Variants in ABCA8 observed in about 807,000 individuals in gnomAD.
ABCA8 encodes the protein ATP binding cassette subfamily A member 8.
Under a neutral mutation model 192.3 loss-of-function variants are expected in ABCA8, and 177 were observed. The observed-to-expected ratio is 0.92, with a 90% CI of 0.81 to 1.04. The LOEUF is 1.04. Among genes scored for constraint, ABCA8 ranks in the 50% least tolerant of loss-of-function variants. The probability of loss-of-function intolerance (pLI) is 0.00; values close to 1 mark genes in which losing one functional copy is unlikely to be tolerated. For missense variants in ABCA8, 1,915 were observed against 1,904.8 expected (o/e 1.01, Z -0.10); for synonymous variants, 642 against 690.2 (o/e 0.93, Z 1.09).
chr17:68,953,977 G>C (rs1598307044), intron 1 of ABCA8, among the ~76,000 whole-genome samples: 1 of 151,950 alleles, frequency 6.6e-6, no homozygotes, highest in African/African-American at 2.4e-5. Context: ...AAAAGTTTCT[G>C]GGTTCTTAAA....
intron 1 of ABCA8, among the ~76,000 whole-genome samples, chr17:68,950,374 G>A (rs556642774): frequency 9.2e-5 from 14 of 152,180 alleles, no homozygotes; most frequent in African/African-American, 2.6e-4. Flanking sequence ...AAAAGAGCCC[G>A]CGTAGCCAAA....
At chr17:68,937,838 A>G (rs1488983388) in intron 4 of ABCA8, among the ~76,000 whole-genome samples, 1 of 149,936 alleles carries the variant, frequency 6.7e-6, no homozygotes, top group Non-Finnish European at 1.5e-5. Context: ...TGTAAAATAA[A>G]CTTAATAACC....
intron 32 of ABCA8, chr17:68,878,162 C>G (rs556352379): frequency 6.5e-6 from 1 of 152,752 alleles, no homozygotes; most frequent in Non-Finnish European, 1.5e-5. Context: ...AATGAACATG[C>G]AGAATAAAGA....
At chr17:68,916,502 A>G (rs2067368417) in intron 17 of ABCA8, among the ~76,000 whole-genome samples, 1 of 152,186 alleles carries the variant, frequency 6.6e-6, no homozygotes, top group Non-Finnish European at 1.5e-5. Flanking sequence ...CCATAAATCT[A>G]TACACCTACT....
At position 68,887,322 on chromosome 17, in the gene ABCA8, A is replaced by G. The variant is rs1458722241; in HGVS notation, c.3315+14T>C. ...ATTGTGAATATTGTCACTTACTTGG[A>G]TATTGTCACTTACTTGAATAATATG... is the stretch of plus-strand genomic sequence containing the variant. On this transcript the variant is annotated intron_variant, in intron 25 of 39. Coordinates refer to ENST00000586539, the MANE Select transcript of ABCA8 (RefSeq NM_001288985.2). The G allele has an allele frequency of 1.3e-6, 2 of 1,581,012 alleles. No individual in the cohort carries two copies. Among genetic ancestry groups the G allele is most frequent in the East Asian group, 4.5e-5 (2 of 44,534 alleles).
At chr17:68,939,485 T>G (rs2068165095) in intron 4 of ABCA8, among the ~76,000 whole-genome samples, 1 of 152,146 alleles carries the variant, frequency 6.6e-6, no homozygotes, top group African/African-American at 2.4e-5. Flanking sequence ...AGTCACCTAT[T>G]TGTTCCTGTG....
intron 17 of ABCA8, among the ~76,000 whole-genome samples, chr17:68,910,019 A>C (rs1351946129): frequency 1.3e-5 from 2 of 152,194 alleles, no homozygotes; most frequent in East Asian, 3.8e-4. Flanking sequence ...TGTAAAATAA[A>C]AGTAACAACA....
At chr17:68,946,187 T>C (rs11077819) in intron 2 of ABCA8, among the ~76,000 whole-genome samples, 76,968 of 151,512 alleles carry the variant, frequency 0.51, 20,029 homozygotes, top group Middle Eastern at 0.59. Flanking sequence ...CCTGCCTCAG[T>C]CTCCCAAGTA....
In ABCA8 at chr17:68,934,607, T is replaced by C. The variant is rs190629833; in HGVS notation, c.467-1336A>G. Among the ~76,000 whole-genome samples the C allele has an allele frequency of 3.8e-3, 581 of 152,338 alleles. 3 individuals are homozygous for C. Among genetic ancestry groups the C allele is most frequent in the South Asian group, 0.016 (77 of 4,830 alleles). On this transcript the variant is annotated intron_variant, in intron 5 of 39. Transcript: ENST00000586539. ...GCTATCTTATTATGACTACAAAAAGTAATTATTCTATGTCCTCTGGAAGAA... is the reference window on the plus strand; with the variant it reads ...GCTATCTTATTATGACTACAAAAAGCAATTATTCTATGTCCTCTGGAAGAA...
chr17:68,923,203 A>ATTT (rs200231831), intron 11 of ABCA8, among the ~76,000 whole-genome samples: 5 of 111,032 alleles, frequency 4.5e-5, no homozygotes, highest in Non-Finnish European at 9.0e-5. Context: ...TATTATTATT[A>ATTT]TTATTTTTTT....
Position 68,875,654 on chromosome 17 carries a change from C to G in ABCA8, c.4450G>C (p.Val1484Leu). ...TTHYMAEAEA[V>L]CDRVAIMVSG... Reference sequence around the variant, plus strand: ...ACCATGATGGCCACTCGGTCACACACGGCCTCAGCCTCTGCCATGTAGTGG... The same window carrying G: ...ACCATGATGGCCACTCGGTCACACAGGGCCTCAGCCTCTGCCATGTAGTGG... The change falls in exon 36 of 40, where the codon GTG becomes CTG. Residue 1484 changes from valine (V) to leucine (L), a missense_variant. By Grantham distance (32) the Val-to-Leu change is conservative. Transcript: ENST00000586539. 1 of 1,614,192 alleles carries G rather than the reference C, an allele frequency of 6.2e-7. No individual in the cohort carries two copies. The highest frequency in any genetic ancestry group is 8.5e-7 in the Non-Finnish European group (1 of 1,180,018).
intron 38 of ABCA8, among the ~76,000 whole-genome samples, chr17:68,869,253 T>C (rs1010283075): frequency 6.6e-6 from 1 of 152,118 alleles, no homozygotes; most frequent in Admixed American, 6.6e-5. Flanking sequence ...GCAGGGAAGT[T>C]AGTTCTAAAA....
intron 17 of ABCA8, among the ~76,000 whole-genome samples, chr17:68,909,604 G>A (rs370559785): frequency 2.0e-5 from 3 of 152,162 alleles, no homozygotes; most frequent in South Asian, 2.1e-4. Context: ...CTTGTAAGTA[G>A]GAATTGCTAC....
At chr17:68,868,385 A>G (rs980032817) in intron 38 of ABCA8, 29 bp from the exon 39 acceptor site, 1 of 1,575,342 alleles carries the variant, frequency 6.3e-7, no homozygotes, top group Admixed American at 1.7e-5. Flanking sequence ...GTATTAGTTC[A>G]TATATTTCAT....
chr17:68,885,113 T>C, intron 27 of ABCA8, 83 bp downstream of exon 27: 6 of 1,430,656 alleles, frequency 4.2e-6, no homozygotes, highest in Non-Finnish European at 4.7e-6. Flanking sequence ...TTAAACATGT[T>C]GTAGTAGACC....
intron 3 of ABCA8, among the ~76,000 whole-genome samples, chr17:68,941,351 T>G (rs1327419370): frequency 6.6e-6 from 1 of 152,184 alleles, no homozygotes; most frequent in Non-Finnish European, 1.5e-5. Flanking sequence ...GAAAAAACTT[T>G]ACGATGTATG....
chr17:68,889,583 C>T lies in ABCA8; in HGVS notation c.3144+1906G>A, dbSNP rs570505251. On this transcript the variant is annotated intron_variant, in intron 24 of 39. Coordinates refer to ENST00000586539, the MANE Select transcript of ABCA8 (RefSeq NM_001288985.2). ...TCTCAAACAAGAAAAAGTACCCATA[C>T]TAAGTATATAGCTGAATGAGGTCTG... Among the ~76,000 whole-genome samples, 7 of 152,150 alleles carry T rather than the reference C, an allele frequency of 4.6e-5. No individual in the cohort carries two copies. In the South Asian group the frequency reaches 6.2e-4, roughly 14 times the overall value.
rs1459983972 is a variant in ABCA8 at position 68,876,665 on chromosome 17, G to C, written c.4238C>G (p.Ser1413Cys). Reference protein sequence around the residue: ...DALKLQDQLKSPVKTLSEGIK... With the variant: ...DALKLQDQLKCPVKTLSEGIK... ...TCCCTCTGACAAGGTCTTCACGGGA[G>C]ACTTCAGCTGGTCCTGCAGCTTGAG... The change falls in exon 34 of 40, where the codon TCT (serine) becomes TGT (cysteine). Residue 1413 changes from serine (S) to cysteine (C), a missense_variant. Transcript: ENST00000586539. The C allele has an allele frequency of 2.5e-6, 4 of 1,614,034 alleles. No individual in the cohort carries two copies. In the African/African-American group the frequency reaches 5.3e-5, roughly 22 times the overall value.
intron 26 of ABCA8, among the ~76,000 whole-genome samples, chr17:68,886,070 T>C (rs2066452902): frequency 6.6e-6 from 1 of 152,154 alleles, no homozygotes; most frequent in Non-Finnish European, 1.5e-5. Flanking sequence ...TAACAGAAAG[T>C]GATAGGTACA....
Sources: allele counts gnomAD v4.1 joint callset (sites outside exome capture counted in the v4.1 genomes callset), GRCh38; gene constraint gnomAD v4.1.1; transcripts MANE v1.5; gene names NCBI Gene and HGNC (gene_info 2026-07-23, HGNC 2026-07-21).